The following RGS17 variants were observed in gnomAD, a reference collection of about 807,000 sequenced individuals.
The protein encoded by RGS17 is regulator of G-protein signaling 17.
A neutral mutation model predicts 25.5 loss-of-function variants in RGS17; 12 were observed. The ratio of observed to expected loss-of-function variants is 0.47; its 90% CI spans 0.30 to 0.76. The LOEUF (loss-of-function observed/expected upper bound fraction) is 0.76, where lower values mean the gene tolerates loss of function less well. RGS17 is among the 30% of genes least tolerant of loss of function. The pLI, the probability that RGS17 is intolerant of heterozygous loss-of-function variation, is 0.07. For missense variants in RGS17, 196 were observed against 242.2 expected (o/e 0.81, Z 1.27); for synonymous variants, 71 against 76.9 (o/e 0.92, Z 0.40).
chr6:153,084,480 C>G (rs1025565600), intron 1 of RGS17, among the ~76,000 whole-genome samples: 1 of 151,954 alleles, frequency 6.6e-6, no homozygotes, highest in Non-Finnish European at 1.5e-5. Flanking sequence ...TGATTGAAGG[C>G]GGGTGAGGGA....
intron 4 of RGS17, among the ~76,000 whole-genome samples, chr6:153,023,160 G>A (rs1779263287): frequency 6.6e-6 from 1 of 152,108 alleles, no homozygotes. Context: ...AAACTTAGAG[G>A]TTAATAAAAT....
intron 1 of RGS17, among the ~76,000 whole-genome samples, chr6:153,063,141 A>G (rs889391766): frequency 2.0e-5 from 3 of 152,108 alleles, no homozygotes; most frequent in African/African-American, 7.2e-5. Context: ...TAAATACTTA[A>G]CTCTTTAATG....
chr6:153,128,400 T>C (rs1229428077), intron 1 of RGS17, among the ~76,000 whole-genome samples: 4 of 152,236 alleles, frequency 2.6e-5, no homozygotes, highest in South Asian at 2.1e-4. Flanking sequence ...TGTGGTTGAA[T>C]GGACTCCCAG....
chr6:153,011,115 C>T lies in RGS17; in HGVS notation c.*459G>A, dbSNP rs1454174632. 6.4e-6 allele frequency: 1 copy of T among 156,186 alleles called. No homozygotes were observed. The highest frequency in any genetic ancestry group is 1.4e-5 in the Non-Finnish European group (1 of 70,830). The allele number at this position is 156,186 out of a possible 1,614,324, so 9.7% of individuals were successfully genotyped here. On this transcript the variant is annotated 3_prime_UTR_variant, in exon 5 of 5. Coordinates refer to ENST00000206262, the MANE Select transcript of RGS17 (RefSeq NM_012419.5). The stretch of plus-strand genomic sequence containing the variant: ...ATAGTAAAAATTGCTTTTTTTCTGT[C>T]TTAGATTATGTTAAAAAATGCAAAC...
intron 4 of RGS17, among the ~76,000 whole-genome samples, chr6:153,012,359 T>G (rs1779142837): frequency 6.6e-6 from 1 of 152,172 alleles, no homozygotes; most frequent in Non-Finnish European, 1.5e-5. Flanking sequence ...TCCAAAGACC[T>G]CTTACTAACG....
chr6:153,054,108 A>G lies in RGS17; in HGVS notation c.-25-10065T>C, dbSNP rs1214195338. On this transcript the variant is annotated intron_variant, in intron 1 of 4. Coordinates refer to ENST00000206262, the MANE Select transcript of RGS17 (RefSeq NM_012419.5). Reference sequence around the variant, plus strand: ...CAATATTTTTTATATATATATATATATATATGTGTATATATATATATATAC... The same window carrying G: ...CAATATTTTTTATATATATATATATGTATATGTGTATATATATATATATAC... Among the ~76,000 whole-genome samples, 140 of 105,528 alleles carry G rather than the reference A, an allele frequency of 1.3e-3. 20 individuals are homozygous for G. Among genetic ancestry groups the G allele is most frequent in the African/African-American group, 4.3e-3 (113 of 26,508 alleles). 69.2% of individuals were successfully genotyped at this position (105,528 alleles called of 152,430 possible).
chr6:153,049,435 A>G (rs1323925495), intron 1 of RGS17, among the ~76,000 whole-genome samples: 1 of 152,138 alleles, frequency 6.6e-6, no homozygotes, highest in Non-Finnish European at 1.5e-5. Flanking sequence ...GGAAGACCAA[A>G]ATCTTAATTG....
intron 1 of RGS17, among the ~76,000 whole-genome samples, chr6:153,046,120 A>C (rs997363710): frequency 3.3e-5 from 5 of 152,184 alleles, no homozygotes; most frequent in Non-Finnish European, 7.3e-5. Flanking sequence ...ATTCTCACTC[A>C]TATGTAGAAG....
At chr6:153,111,949 A>G (rs577798254) in intron 1 of RGS17, among the ~76,000 whole-genome samples, 2 of 152,204 alleles carry the variant, frequency 1.3e-5, no homozygotes, top group Non-Finnish European at 2.9e-5. Flanking sequence ...TCAAAGACCA[A>G]AGGTAGATAA....
intron 1 of RGS17, among the ~76,000 whole-genome samples, chr6:153,117,006 T>C (rs572057810): frequency 4.4e-4 from 67 of 152,210 alleles, no homozygotes; most frequent in Middle Eastern, 3.4e-3. Flanking sequence ...CAAACCACCA[T>C]GGCACGTGCA....
At chr6:153,098,395 C>A (rs1011396486) in intron 1 of RGS17, among the ~76,000 whole-genome samples, 11 of 152,166 alleles carry the variant, frequency 7.2e-5, no homozygotes, top group African/African-American at 1.9e-4. Context: ...AAAATTTATT[C>A]CAGATTTTAA....
At chr6:153,069,980 T>A (rs1261451219) in intron 1 of RGS17, among the ~76,000 whole-genome samples, 5 of 152,092 alleles carry the variant, frequency 3.3e-5, no homozygotes, top group Non-Finnish European at 7.4e-5. Context: ...TTTGTTTTTT[T>A]AAAAAACACA....
At chr6:153,111,601 G>C (rs753116914) in intron 1 of RGS17, among the ~76,000 whole-genome samples, 2 of 152,204 alleles carry the variant, frequency 1.3e-5, no homozygotes, top group South Asian at 4.1e-4. Context: ...CTAAGGGACC[G>C]ACTGCCTCCT....
chr6:153,125,584 T>A (rs982672086), intron 1 of RGS17, among the ~76,000 whole-genome samples: 1 of 152,196 alleles, frequency 6.6e-6, no homozygotes. Context: ...TTTTACACTT[T>A]CAGCTGGGCG....
intron 1 of RGS17, among the ~76,000 whole-genome samples, chr6:153,081,554 A>G (rs1427771750): frequency 2.6e-5 from 4 of 152,096 alleles, no homozygotes; most frequent in Non-Finnish European, 5.9e-5. Flanking sequence ...TTTGCATTTA[A>G]AGTGATTACT....
In RGS17 at chr6:153,123,048, A is replaced by G. The variant is rs147742510; in HGVS notation, c.-26+8076T>C. ...AATACTCCAATGTACACTGGAGTAAATTGGAGTATTTAATACTCCAATTCA... is the reference window on the plus strand; with the variant it reads ...AATACTCCAATGTACACTGGAGTAAGTTGGAGTATTTAATACTCCAATTCA... On this transcript the variant is annotated intron_variant, in intron 1 of 4. Transcript: ENST00000206262. Among the ~76,000 whole-genome samples, 95 of 151,882 alleles carry G rather than the reference A, an allele frequency of 6.3e-4. 1 individual carries two copies. The East Asian group carries it at 0.017, about 28-fold the overall frequency.
chr6:153,078,805 G>A (rs1461990367), intron 1 of RGS17, among the ~76,000 whole-genome samples: 1 of 151,868 alleles, frequency 6.6e-6, no homozygotes, highest in Non-Finnish European at 1.5e-5. Context: ...CAGATTTTAA[G>A]TAATATTATA....
intron 2 of RGS17, among the ~76,000 whole-genome samples, chr6:153,042,560 C>T (rs920023029): frequency 9.2e-5 from 14 of 152,186 alleles, no homozygotes; most frequent in African/African-American, 3.4e-4. Flanking sequence ...GTCCATTAAA[C>T]CTCTTTTTCT....
chr6:153,017,495 ATT>A (rs2129105965), intron 4 of RGS17, among the ~76,000 whole-genome samples: 1 of 152,228 alleles, frequency 6.6e-6, no homozygotes, highest in Admixed American at 6.5e-5. Flanking sequence ...ATCTTACTAG[ATT>A]TCCTATTCAT....
Sources: allele counts gnomAD v4.1 joint callset (sites outside exome capture counted in the v4.1 genomes callset), GRCh38; gene constraint gnomAD v4.1.1; transcripts MANE v1.5; gene names NCBI Gene and HGNC (gene_info 2026-07-23, HGNC 2026-07-21).